SGCZ: variants seen among roughly 807,000 people sequenced by gnomAD.
SGCZ encodes the protein sarcoglycan zeta.
SGCZ carries 40 observed loss-of-function variants against 41.3 expected under a neutral mutation model. The ratio of observed to expected loss-of-function variants is 0.97; its 90% CI spans 0.75 to 1.26. The LOEUF (loss-of-function observed/expected upper bound fraction) is 1.26. Among genes scored for constraint, SGCZ ranks in the 50% most tolerant of loss-of-function variants. SGCZ has a pLI of 0.00. For synonymous variants in SGCZ, 206 were observed against 137.5 expected, an observed-to-expected ratio of 1.50 and a Z score of -3.49; for missense variants, 552 against 369.8, an observed-to-expected ratio of 1.49 and a Z score of -4.04.
chr8:14,901,624 C>T (rs571389944), intron 1 of SGCZ, among the ~76,000 whole-genome samples: 50 of 151,998 alleles, frequency 3.3e-4, no homozygotes, highest in Admixed American at 2.6e-3. Flanking sequence ...GTGAAAAAAT[C>T]CTTGGTCTAT....
At chr8:14,527,203 T>C (rs929763628) in intron 2 of SGCZ, among the ~76,000 whole-genome samples, 1 of 152,186 alleles carries the variant, frequency 6.6e-6, no homozygotes. Context: ...ATATGTTTAA[T>C]ATGAAACAAG....
intron 5 of SGCZ, 36 bp from the exon 6 acceptor site, chr8:14,108,271 A>T: frequency 6.3e-7 from 1 of 1,581,984 alleles, no homozygotes; most frequent in Middle Eastern, 1.7e-4. Flanking sequence ...CAGTATAAGC[A>T]AGTCCACACA....
intron 1 of SGCZ, among the ~76,000 whole-genome samples, chr8:14,712,231 A>C (rs1809542847): frequency 6.6e-6 from 1 of 152,238 alleles, no homozygotes; most frequent in Admixed American, 6.5e-5. Context: ...ATACCTTATA[A>C]AAGTATTCCC....
At chr8:15,211,118 G>T (rs1350842570) in intron 1 of SGCZ, among the ~76,000 whole-genome samples, 1 of 149,408 alleles carries the variant, frequency 6.7e-6, no homozygotes, top group Non-Finnish European at 1.5e-5. Context: ...TCTAGATATT[G>T]ATGTATCTAT....
intron 4 of SGCZ, among the ~76,000 whole-genome samples, chr8:14,195,848 A>G (rs191451651): frequency 6.6e-6 from 1 of 152,278 alleles, no homozygotes; most frequent in East Asian, 1.9e-4. Flanking sequence ...ACAATTATAG[A>G]TGTAGAATTA....
chr8:14,307,768 G>A (rs1383954986), intron 3 of SGCZ, among the ~76,000 whole-genome samples: 2 of 152,066 alleles, frequency 1.3e-5, no homozygotes, highest in Non-Finnish European at 1.5e-5. Context: ...ACATATAGAT[G>A]AAATAATTTT....
intron 1 of SGCZ, among the ~76,000 whole-genome samples, chr8:14,892,061 C>T (rs550539057): frequency 3.4e-4 from 51 of 152,220 alleles, no homozygotes; most frequent in African/African-American, 1.1e-3. Context: ...TGGCACTGAA[C>T]CTGGAATATA....
At chr8:14,661,832 T>A (rs1027299771) in intron 1 of SGCZ, among the ~76,000 whole-genome samples, 1 of 106,942 alleles carries the variant, frequency 9.4e-6, no homozygotes, top group Non-Finnish European at 1.8e-5. Context: ...AAATGTGATC[T>A]CAAATTGTTA....
chr8:14,891,322 C>T (rs1250854266), intron 1 of SGCZ, among the ~76,000 whole-genome samples: 1 of 152,160 alleles, frequency 6.6e-6, no homozygotes, highest in African/African-American at 2.4e-5. Flanking sequence ...AAAATAGAAA[C>T]ATTAACAGAA....
At chr8:14,776,191 T>A (rs1259104625) in intron 1 of SGCZ, among the ~76,000 whole-genome samples, 1 of 152,228 alleles carries the variant, frequency 6.6e-6, no homozygotes, top group Non-Finnish European at 1.5e-5. Flanking sequence ...ATGGTTTGAC[T>A]GTGTCTCCAC....
In SGCZ at chr8:14,827,507, T is replaced by C. The variant is rs909797108; in HGVS notation, c.40-272581A>G. On this transcript the variant is annotated intron_variant, in intron 1 of 7. Transcript: ENST00000382080. Reference sequence around the variant, plus strand: ...CCGCCTTGGCCTCCCAAAGTGCTTATATCACATTTTCTAATGTCCCATTTG... The same window carrying C: ...CCGCCTTGGCCTCCCAAAGTGCTTACATCACATTTTCTAATGTCCCATTTG... 3.9e-5 allele frequency among the ~76,000 whole-genome samples: 6 copies of C among 152,040 alleles called. No homozygotes were observed. In the South Asian group the frequency reaches 1.2e-3, roughly 32 times the overall value.
At chr8:14,232,953 G>A (rs1194452243) in intron 4 of SGCZ, among the ~76,000 whole-genome samples, 1 of 151,938 alleles carries the variant, frequency 6.6e-6, no homozygotes, top group Non-Finnish European at 1.5e-5. Context: ...TGTTTTACTG[G>A]GATAATAATA....
At chr8:14,253,088 A>T (rs573477493) in intron 3 of SGCZ, among the ~76,000 whole-genome samples, 1 of 152,276 alleles carries the variant, frequency 6.6e-6, no homozygotes, top group African/African-American at 2.4e-5. Context: ...AGGCTAGAGT[A>T]TGGAGGTAAG....
chr8:14,990,861 G>A (rs1269402325), intron 1 of SGCZ, among the ~76,000 whole-genome samples: 1 of 151,994 alleles, frequency 6.6e-6, no homozygotes, highest in Non-Finnish European at 1.5e-5. Flanking sequence ...AGAGAAAGGA[G>A]TGCAATTCAA....
At chr8:14,365,197 T>C (rs925452771) in intron 2 of SGCZ, among the ~76,000 whole-genome samples, 28 of 152,210 alleles carry the variant, frequency 1.8e-4, no homozygotes, top group African/African-American at 6.3e-4. Flanking sequence ...ACTTACCTAC[T>C]TACAGATTTT....
chr8:14,492,418 G>T (rs893929693), intron 2 of SGCZ, among the ~76,000 whole-genome samples: 3 of 152,126 alleles, frequency 2.0e-5, no homozygotes, highest in Admixed American at 6.5e-5. Context: ...AAACCTGGAA[G>T]AAAATCAGTA....
chr8:14,791,043 A>T (rs1800935350), intron 1 of SGCZ, among the ~76,000 whole-genome samples: 1 of 150,406 alleles, frequency 6.6e-6, no homozygotes, highest in Non-Finnish European at 1.5e-5. Flanking sequence ...AAAAAAAAGA[A>T]AAAAAAAAGA....
intron 4 of SGCZ, among the ~76,000 whole-genome samples, chr8:14,234,925 C>T (rs1382972524): frequency 2.0e-5 from 3 of 152,152 alleles, no homozygotes; most frequent in African/African-American, 7.2e-5. Flanking sequence ...TAATATCACA[C>T]AGATACACTG....
At chr8:14,687,910 C>T (rs1348771840) in intron 1 of SGCZ, among the ~76,000 whole-genome samples, 1 of 152,170 alleles carries the variant, frequency 6.6e-6, no homozygotes, top group East Asian at 1.9e-4. Flanking sequence ...GATGGTATCT[C>T]ATTGTGGTTT....
Sources: allele counts gnomAD v4.1 joint callset (sites outside exome capture counted in the v4.1 genomes callset), GRCh38; gene constraint gnomAD v4.1.1; transcripts MANE v1.5; gene names NCBI Gene and HGNC (gene_info 2026-07-23, HGNC 2026-07-21).